GPM6A: variants seen among roughly 807,000 people sequenced by gnomAD.
The protein encoded by GPM6A is glycoprotein M6A.
In GPM6A, 7 loss-of-function variants were observed where a neutral mutation model predicts 32.1. The ratio of observed to expected loss-of-function variants is 0.22; its 90% CI spans 0.12 to 0.41. GPM6A has a LOEUF of 0.41. GPM6A is among the 10% of genes least tolerant of loss of function. The pLI, the probability that GPM6A is intolerant of heterozygous loss-of-function variation, is 1.00. For synonymous variants in GPM6A, 130 were observed against 123.4 expected, an observed-to-expected ratio of 1.05 and a Z score of -0.35; for missense variants, 235 against 347.2, an observed-to-expected ratio of 0.68 and a Z score of 2.57.
At chr4:175,780,571 C>G (rs80225981) in intron 1 of GPM6A, among the ~76,000 whole-genome samples, 4,285 of 152,298 alleles carry the variant, frequency 0.028, 160 homozygotes, top group East Asian at 0.16. Context: ...TCAACACATG[C>G]ATATTCAAAC....
chr4:175,815,807 TC>T (rs748541742), upstream of GPM6A, among the ~76,000 whole-genome samples: 1 of 147,184 alleles, frequency 6.8e-6, no homozygotes, highest in Non-Finnish European at 1.5e-5. Context: ...AACCTCTGCC[TC>T]CCGGATTCAA....
chr4:175,944,157 G>A (rs1426909956), intron 1 of GPM6A, among the ~76,000 whole-genome samples: 1 of 151,996 alleles, frequency 6.6e-6, no homozygotes, highest in Non-Finnish European at 1.5e-5. Context: ...TTTTCATTTC[G>A]ATAACAAGTA....
At chr4:175,795,136 C>T (rs1186614836) in intron 1 of GPM6A, among the ~76,000 whole-genome samples, 1 of 152,086 alleles carries the variant, frequency 6.6e-6, no homozygotes. Context: ...GTGTGAAAGG[C>T]ATTAGTAATG....
intron 1 of GPM6A, among the ~76,000 whole-genome samples, chr4:175,857,946 TAA>T (rs550059508): frequency 1.3e-3 from 195 of 152,218 alleles, no homozygotes; most frequent in Non-Finnish European, 2.2e-3. Flanking sequence ...ATTGAAATTT[TAA>T]AAATACCATT....
At chr4:175,872,563 G>C (rs1736945385) in intron 1 of GPM6A, 1 of 152,126 alleles carries the variant, frequency 6.6e-6, no homozygotes, top group African/African-American at 2.4e-5. Context: ...GGCTTTCTTT[G>C]AGAATTAGAA....
chr4:175,881,929 T>A (rs1048441940), intron 1 of GPM6A, among the ~76,000 whole-genome samples: 24 of 152,084 alleles, frequency 1.6e-4, no homozygotes, highest in Non-Finnish European at 1.9e-4. Flanking sequence ...ACATGGCACA[T>A]GTATACATAT....
chr4:175,676,559 C>T (rs1039042899), intron 2 of GPM6A, among the ~76,000 whole-genome samples: 1 of 152,082 alleles, frequency 6.6e-6, no homozygotes, highest in Non-Finnish European at 1.5e-5. Context: ...CCAGCCTGGT[C>T]AACATAGAGA....
At chr4:175,638,095 T>C (rs544572033) in intron 6 of GPM6A, among the ~76,000 whole-genome samples, 272 of 150,192 alleles carry the variant, frequency 1.8e-3, no homozygotes, top group African/African-American at 6.2e-3. Flanking sequence ...TTTGTCAGCA[T>C]GTAGGACTTC....
At chr4:175,947,036 G>T (rs921769290) in intron 1 of GPM6A, among the ~76,000 whole-genome samples, 28 of 152,130 alleles carry the variant, frequency 1.8e-4, no homozygotes, top group African/African-American at 6.0e-4. Flanking sequence ...AAGTGTGTGT[G>T]GCTTTCTTAT....
intron 4 of GPM6A, among the ~76,000 whole-genome samples, chr4:175,645,505 G>A (rs1741406151): frequency 6.6e-6 from 1 of 152,070 alleles, no homozygotes; most frequent in Non-Finnish European, 1.5e-5. Context: ...TGGATCATTT[G>A]AGGTCAGGAG....
At chr4:175,752,392 G>C (rs1227914882) in intron 1 of GPM6A, among the ~76,000 whole-genome samples, 1 of 152,056 alleles carries the variant, frequency 6.6e-6, no homozygotes, top group East Asian at 1.9e-4. Flanking sequence ...CTGCAAGGCC[G>C]AGCCTTTTTC....
intron 1 of GPM6A, among the ~76,000 whole-genome samples, chr4:175,820,502 T>TTTC (rs1735243378): frequency 8.2e-6 from 1 of 122,070 alleles, no homozygotes; most frequent in Non-Finnish European, 1.6e-5. Context: ...TTTTCTTTCT[T>TTTC]TTTTTTTTTT....
chr4:175,792,673 C>T (rs1734058552), intron 1 of GPM6A, among the ~76,000 whole-genome samples: 2 of 151,994 alleles, frequency 1.3e-5, no homozygotes, highest in Non-Finnish European at 2.9e-5. Context: ...TTTTAAAATA[C>T]AATGTAAAAC....
intron 1 of GPM6A, among the ~76,000 whole-genome samples, chr4:175,902,432 A>G (rs866701282): frequency 1.2e-4 from 18 of 152,308 alleles, no homozygotes; most frequent in South Asian, 4.1e-4. Flanking sequence ...GCATGGATGA[A>G]TGTCAGCAGC....
chr4:175,867,976 A>G (rs1482316825), intron 1 of GPM6A, among the ~76,000 whole-genome samples: 2 of 152,176 alleles, frequency 1.3e-5, no homozygotes, highest in Non-Finnish European at 2.9e-5. Flanking sequence ...CAGAAGAGCA[A>G]TGGAATTTTT....
At chr4:175,853,838 G>A (rs964602276) in intron 1 of GPM6A, among the ~76,000 whole-genome samples, 10 of 152,078 alleles carry the variant, frequency 6.6e-5, no homozygotes, top group Non-Finnish European at 1.0e-4. Context: ...TCAAACAATT[G>A]TTGTAAGCCT....
chr4:175,919,441 T>G (rs975444825), intron 1 of GPM6A, among the ~76,000 whole-genome samples: 2 of 152,124 alleles, frequency 1.3e-5, no homozygotes, highest in South Asian at 2.1e-4. Context: ...CATAAACATT[T>G]CTAACTTAAA....
At chr4:175,758,829 C>T (rs939686384) in intron 1 of GPM6A, among the ~76,000 whole-genome samples, 2 of 152,086 alleles carry the variant, frequency 1.3e-5, no homozygotes, top group Non-Finnish European at 2.9e-5. Context: ...GCCCAGGAGG[C>T]GGTCAGCTTT....
At chr4:175,975,003 A>T (rs929161839) in intron 1 of GPM6A, among the ~76,000 whole-genome samples, 4 of 152,128 alleles carry the variant, frequency 2.6e-5, no homozygotes, top group Non-Finnish European at 5.9e-5. Context: ...GCCAATCTGA[A>T]CTACTTTCAA....
Sources: gnomAD v4.1 joint callset for allele counts (sites outside exome capture counted in the v4.1 genomes callset) on GRCh38, gnomAD v4.1.1 for gene constraint, MANE v1.5 for transcripts, NCBI Gene and HGNC (gene_info 2026-07-23, HGNC 2026-07-21) for gene names.